The following SPOCK1 variants were observed in gnomAD, a reference collection of about 807,000 sequenced individuals.
The protein encoded by SPOCK1 is SPARC (osteonectin), cwcv and kazal like domains proteoglycan 1.
Under a neutral mutation model 55.3 loss-of-function variants are expected in SPOCK1, and 23 were observed. The ratio of observed to expected loss-of-function variants is 0.42; its 90% CI spans 0.30 to 0.59. The LOEUF (loss-of-function observed/expected upper bound fraction) is 0.59. SPOCK1 is among the 20% of genes least tolerant of loss of function. The pLI is 0.22. For missense variants in SPOCK1, 499 were observed against 552.5 expected, an observed-to-expected ratio of 0.90 and a Z score of 0.97; for synonymous variants, 226 against 221.0, an observed-to-expected ratio of 1.02 and a Z score of -0.20.
chr5:137,170,260 C>T (rs1441962345), intron 3 of SPOCK1, among the ~76,000 whole-genome samples: 3 of 151,914 alleles, frequency 2.0e-5, no homozygotes, highest in South Asian at 2.1e-4. Flanking sequence ...TTTTTGTTTT[C>T]TCTTTTAATA....
chr5:137,223,878 AAAT>A (rs1383084235), intron 3 of SPOCK1, among the ~76,000 whole-genome samples: 2 of 152,212 alleles, frequency 1.3e-5, no homozygotes, highest in Non-Finnish European at 2.9e-5. Context: ...ATAATGTACA[AAAT>A]AAAGTTTATG....
At chr5:137,410,864 G>A (rs2127188865) in intron 2 of SPOCK1, among the ~76,000 whole-genome samples, 1 of 152,336 alleles carries the variant, frequency 6.6e-6, no homozygotes, top group Non-Finnish European at 1.5e-5. Flanking sequence ...TGGGAGGGAG[G>A]AGGGGATGCA....
At chr5:137,250,335 G>C (rs1478471996) in intron 3 of SPOCK1, among the ~76,000 whole-genome samples, 1 of 152,138 alleles carries the variant, frequency 6.6e-6, no homozygotes, top group Non-Finnish European at 1.5e-5. Flanking sequence ...ACTTAATTGA[G>C]CCTCCATTTC....
chr5:137,231,371 C>T (rs1756060434), intron 3 of SPOCK1, among the ~76,000 whole-genome samples: 1 of 152,168 alleles, frequency 6.6e-6, no homozygotes, highest in Admixed American at 6.5e-5. Flanking sequence ...ATAACCCACC[C>T]ACCTTCCTGC....
chr5:137,388,656 C>T (rs1423266408), intron 2 of SPOCK1, among the ~76,000 whole-genome samples: 2 of 152,170 alleles, frequency 1.3e-5, no homozygotes, highest in Non-Finnish European at 2.9e-5. Context: ...ACACTCTCAC[C>T]TTCCAGCTCT....
At chr5:137,013,837 A>T (rs1320433715) in intron 6 of SPOCK1, among the ~76,000 whole-genome samples, 1 of 152,216 alleles carries the variant, frequency 6.6e-6, no homozygotes, top group Non-Finnish European at 1.5e-5. Context: ...AATATTGCTA[A>T]GAGTGTTATA....
intron 4 of SPOCK1, among the ~76,000 whole-genome samples, chr5:137,120,217 C>A (rs1753661205): frequency 6.6e-6 from 1 of 152,134 alleles, no homozygotes. Context: ...TCAGGAGAGA[C>A]AAGCAGGCCC....
At chr5:137,384,273 A>G (rs1395576809) in intron 2 of SPOCK1, among the ~76,000 whole-genome samples, 2 of 152,210 alleles carry the variant, frequency 1.3e-5, no homozygotes, top group African/African-American at 2.4e-5. Context: ...TGACAAGCAG[A>G]GCTGCCCAGT....
At chr5:137,356,873 A>T (rs11242378) in intron 2 of SPOCK1, among the ~76,000 whole-genome samples, 7,238 of 69,590 alleles carry the variant, frequency 0.1, 778 homozygotes, top group Middle Eastern at 0.18. Context: ...AGAGAGAGAG[A>T]GAGTATGCAG....
chr5:137,226,681 G>A (rs563916748), intron 3 of SPOCK1, among the ~76,000 whole-genome samples: 1 of 152,342 alleles, frequency 6.6e-6, no homozygotes, highest in African/African-American at 2.4e-5. Context: ...CGTAGGCTCA[G>A]GACTTGCCCA....
chr5:137,364,238 T>C (rs1286471512), intron 2 of SPOCK1, among the ~76,000 whole-genome samples: 4 of 152,156 alleles, frequency 2.6e-5, no homozygotes, highest in Admixed American at 2.6e-4. Flanking sequence ...TTTTCCCTAA[T>C]ACCTAAGCAC....
At chr5:137,360,570 C>T (rs557028538) in intron 2 of SPOCK1, among the ~76,000 whole-genome samples, 13 of 152,352 alleles carry the variant, frequency 8.5e-5, no homozygotes, top group South Asian at 2.1e-4. Flanking sequence ...AATGAGTCTG[C>T]GCACTTTGAT....
At chr5:137,290,196 T>G (rs1164152941) in intron 2 of SPOCK1, among the ~76,000 whole-genome samples, 1 of 152,106 alleles carries the variant, frequency 6.6e-6, no homozygotes, top group African/African-American at 2.4e-5. Flanking sequence ...TTGAAAAAAC[T>G]CAAATATCCA....
At chr5:137,294,337 T>C (rs1028269307) in intron 2 of SPOCK1, among the ~76,000 whole-genome samples, 4 of 152,206 alleles carry the variant, frequency 2.6e-5, no homozygotes, top group South Asian at 2.1e-4. Flanking sequence ...GAGTACATAC[T>C]GTGCATTATA....
At chr5:137,476,666 T>C (rs923527684) in intron 2 of SPOCK1, among the ~76,000 whole-genome samples, 2 of 152,184 alleles carry the variant, frequency 1.3e-5, no homozygotes, top group Admixed American at 6.5e-5. Flanking sequence ...GGCTCACGCC[T>C]GTAATGCCAG....
chr5:137,448,476 G>A (rs928012172), intron 2 of SPOCK1, among the ~76,000 whole-genome samples: 13 of 152,214 alleles, frequency 8.5e-5, no homozygotes, highest in South Asian at 2.1e-4. Flanking sequence ...CAACCCCAGA[G>A]ATCCCCAAAC....
intron 2 of SPOCK1, among the ~76,000 whole-genome samples, chr5:137,378,253 A>G (rs1751372603): frequency 1.3e-5 from 2 of 152,088 alleles, no homozygotes; most frequent in African/African-American, 4.8e-5. Context: ...CTTCCCTTCC[A>G]TTTCTTAGCT....
At chr5:137,371,287 C>T (rs1443947828) in intron 2 of SPOCK1, among the ~76,000 whole-genome samples, 4 of 152,224 alleles carry the variant, frequency 2.6e-5, no homozygotes, top group Non-Finnish European at 4.4e-5. Flanking sequence ...CTTCCCTCCA[C>T]TTAAACTGGT....
intron 6 of SPOCK1, among the ~76,000 whole-genome samples, chr5:137,030,975 A>G (rs114834515): frequency 0.017 from 2,590 of 152,248 alleles, 74 homozygotes; most frequent in African/African-American, 0.059. Context: ...CTATAAAATC[A>G]TTCCTGTTTT....
Sources: allele counts gnomAD v4.1 joint callset (sites outside exome capture counted in the v4.1 genomes callset), GRCh38; gene constraint gnomAD v4.1.1; transcripts MANE v1.5; gene names NCBI Gene and HGNC (gene_info 2026-07-23, HGNC 2026-07-21).